RAB9B: variants seen among roughly 807,000 people sequenced by gnomAD.
The protein encoded by RAB9B is RAB9B, member RAS oncogene family.
A neutral mutation model predicts 8.9 loss-of-function variants in RAB9B; 1 was observed. That is an observed-to-expected ratio of 0.11 (90% CI 0.04 to 0.53). The LOEUF is 0.53. RAB9B is among the 20% of genes least tolerant of loss of function. The pLI is 0.93. For synonymous variants in RAB9B, 63 were observed against 57.0 expected, an observed-to-expected ratio of 1.10 and a Z score of -0.47; for missense variants, 82 against 152.9, an observed-to-expected ratio of 0.54 and a Z score of 2.45.
chrX:103,785,949 G>A, the RAB9B span: 25 of 705,640 alleles, frequency 3.5e-5, no homozygotes, highest in African/African-American at 1.3e-4. Flanking sequence ...TCAGAAAGGA[G>A]GGGTCTGCCT....
chrX:103,810,995 C>T, the RAB9B span, among the ~76,000 whole-genome samples: 3 of 111,791 alleles, frequency 2.7e-5, no homozygotes, highest in East Asian at 2.8e-4. Context: ...CTTTAGTTAT[C>T]GGAAGTCCTG....
rs200974641 is a variant in RAB9B, at chrX:103,825,152, G to C, written c.*27C>G. On this transcript the variant is annotated 3_prime_UTR_variant, in exon 3 of 3. Transcript: ENST00000243298. Reference sequence around the variant, plus strand: ...TTACACTACTGACTGATCAATTTGGGGCACATTTTTAAAAGGCTCCCTATC... The same window carrying C: ...TTACACTACTGACTGATCAATTTGGCGCACATTTTTAAAAGGCTCCCTATC... 8.4e-7 allele frequency: 1 copy of C among 1,186,937 alleles called. No homozygotes were observed. The highest frequency in any genetic ancestry group is 2.3e-5 in the Admixed American group (1 of 43,940).
chrX:103,777,319 G>A, the RAB9B span, among the ~76,000 whole-genome samples: 1 of 111,175 alleles, frequency 9.0e-6, no homozygotes, highest in Non-Finnish European at 1.9e-5. Flanking sequence ...TGGTTCCAAG[G>A]CCCTGGCAAC....
the RAB9B span, among the ~76,000 whole-genome samples, chrX:103,780,437 C>CTG: frequency 6.6e-3 from 582 of 87,850 alleles, 3 homozygotes; most frequent in African/African-American, 0.01. Flanking sequence ...TTCTGTCTCT[C>CTG]TCTGTGTGTG....
At chrX:103,808,086 G>A in the RAB9B span, among the ~76,000 whole-genome samples, 1 of 111,832 alleles carries the variant, frequency 8.9e-6, no homozygotes, top group Non-Finnish European at 1.9e-5. Context: ...AACTGGCTGT[G>A]TGACCCCAGG....
At chrX:103,819,845 G>C (rs763312182), downstream of RAB9B, among the ~76,000 whole-genome samples, 3 of 112,141 alleles carry the variant, frequency 2.7e-5, no homozygotes, top group Non-Finnish European at 5.6e-5. Context: ...CCCAAATCAT[G>C]CACATTAACG....
chrX:103,794,034 G>A, the RAB9B span, among the ~76,000 whole-genome samples: 1 of 111,932 alleles, frequency 8.9e-6, no homozygotes, highest in African/African-American at 3.2e-5. Context: ...TAAGTATTGT[G>A]TTAAACCCCA....
the RAB9B span, chrX:103,789,232 A>G: frequency 1.5e-6 from 1 of 669,540 alleles, no homozygotes; most frequent in Non-Finnish European, 2.5e-6. Flanking sequence ...TTAGCACACA[A>G]GAAAGATATC....
At chrX:103,788,702 A>C in the RAB9B span, 1 of 462,007 alleles carries the variant, frequency 2.2e-6, no homozygotes, top group South Asian at 3.2e-5. Context: ...TTTTCTCTAG[A>C]GTTGCATAGA....
the RAB9B span, among the ~76,000 whole-genome samples, chrX:103,793,946 C>T: frequency 2.7e-5 from 3 of 112,403 alleles, no homozygotes; most frequent in Non-Finnish European, 5.6e-5. Context: ...TTATGCAGGA[C>T]GTGGAAGCTG....
the RAB9B span, among the ~76,000 whole-genome samples, chrX:103,800,013 A>G: frequency 5.9e-3 from 658 of 111,424 alleles, 8 homozygotes; most frequent in African/African-American, 0.021. Flanking sequence ...CCAGACCAAT[A>G]GGTAGCAACA....
chrX:103,787,142 T>G, the RAB9B span, among the ~76,000 whole-genome samples: 1,521 of 111,414 alleles, frequency 0.014, 34 homozygotes, highest in East Asian at 0.096. Flanking sequence ...ATTAAATAAT[T>G]AACTCCAAGG....
chrX:103,801,820 G>A, the RAB9B span, among the ~76,000 whole-genome samples: 1 of 111,606 alleles, frequency 9.0e-6, no homozygotes, highest in Non-Finnish European at 1.9e-5. Flanking sequence ...TATCACAGGG[G>A]AGGAAGTCTT....
At position 103,825,192 on chromosome X, in the gene RAB9B, G is replaced by C; in HGVS notation, c.593C>G (p.Ser198Cys). The part of the protein sequence containing the change: ...IDLNSGSKAG[S>C]SCC The stretch of plus-strand genomic sequence containing the variant: ...GGCTCCCTATCTTTAACAGCACGAA[G>C]ACCCTGCTTTGGAGCCACTGTTCAA... Residue 198 changes from serine (S) to cysteine (C), a missense_variant, in exon 3 of 3, where the codon TCT becomes TGT. Coordinates refer to ENST00000243298, the MANE Select transcript of RAB9B (RefSeq NM_016370.4). The C allele has an allele frequency of 8.3e-7, 1 of 1,208,498 alleles. No individual in the cohort carries two copies. The highest frequency in any genetic ancestry group is 1.1e-6 in the Non-Finnish European group (1 of 893,902).
Position 103,823,923 on chromosome X carries a change from A to AGTT in RAB9B, c.*1255_*1256insAAC, listed in dbSNP as rs2074673147. 2 of 112,398 alleles carry AGTT rather than the reference A, an allele frequency of 1.8e-5. No individual in the cohort carries two copies. Among genetic ancestry groups the AGTT allele is most frequent in the African/African-American group, 6.5e-5 (2 of 30,946 alleles). 9.3% of individuals were successfully genotyped at this position (112,398 alleles called of 1,213,427 possible). A position where few individuals can be genotyped will look rare whatever the true frequency, so the allele number is the denominator to read the frequency against. On this transcript the variant is annotated 3_prime_UTR_variant, in exon 3 of 3. Transcript: ENST00000243298. The stretch of plus-strand genomic sequence containing the variant: ...ATCATCAGATAAATCTAACCACAGC[A>AGTT]TGGCACTGATGTAGTTTATATATTC...
chrX:103,783,828 C>A, the RAB9B span, among the ~76,000 whole-genome samples: 276 of 111,925 alleles, frequency 2.5e-3, 2 homozygotes, highest in African/African-American at 8.8e-3. Flanking sequence ...ATTGTACAAG[C>A]TGTCACAACC....
intron 1 of RAB9B, among the ~76,000 whole-genome samples, chrX:103,830,265 A>C (rs1292624217): frequency 1.8e-5 from 2 of 112,008 alleles, no homozygotes; most frequent in Non-Finnish European, 3.8e-5. Flanking sequence ...CCTTTAGTAC[A>C]TACTTAAATT....
chrX:103,786,410 C>A, the RAB9B span: 1 of 1,163,884 alleles, frequency 8.6e-7, no homozygotes. Context: ...GGGAAAGAAG[C>A]CAGGTCTTCA....
At chrX:103,814,584 G>T in the RAB9B span, among the ~76,000 whole-genome samples, 1 of 110,983 alleles carries the variant, frequency 9.0e-6, no homozygotes, top group East Asian at 2.8e-4. Flanking sequence ...AAGTAACTAA[G>T]ATCAGATCAG....
Sources: allele counts gnomAD v4.1 joint callset (sites outside exome capture counted in the v4.1 genomes callset), GRCh38; gene constraint gnomAD v4.1.1; transcripts MANE v1.5; gene names NCBI Gene and HGNC (gene_info 2026-07-23, HGNC 2026-07-21).